The following GUCY2C variants were observed in gnomAD, a reference collection of about 807,000 sequenced individuals.
GUCY2C encodes the protein guanylyl cyclase C.
GUCY2C carries 118 observed loss-of-function variants against 131.1 expected under a neutral mutation model. That is an observed-to-expected ratio of 0.90 (90% CI 0.78 to 1.05). GUCY2C has a LOEUF of 1.05. GUCY2C is among the 50% of genes least tolerant of loss of function. The probability of loss-of-function intolerance (pLI) is 0.00; values close to 1 mark genes in which losing one functional copy is unlikely to be tolerated. For synonymous variants in GUCY2C, 452 were observed against 457.8 expected, an observed-to-expected ratio of 0.99 and a Z score of 0.16; for missense variants, 1,161 against 1,304.4, an observed-to-expected ratio of 0.89 and a Z score of 1.69.
rs769253224 is a variant in GUCY2C at position 14,660,990 on chromosome 12, A to T, written c.1355T>A (p.Leu452Gln). The stretch of plus-strand genomic sequence containing the variant: ...ATAGAGGCGGCTGTACCTGAGCATC[A>T]GGAGAGCGACGAGCAGGAGCAGCAC... ...AVVLLLLVAL[L>Q]MLRKYRKDYE... Residue 452 changes from leucine to glutamine, a missense_variant, in exon 11 of 27, where the codon CTG (leucine) becomes CAG (glutamine). By Grantham distance (113) the Leu-to-Gln change is moderately radical. Coordinates refer to ENST00000261170, the MANE Select transcript of GUCY2C (RefSeq NM_004963.4). 1 of 1,609,674 alleles carries T rather than the reference A, an allele frequency of 6.2e-7. No individual in the cohort carries two copies. The highest frequency in any genetic ancestry group is 1.1e-5 in the South Asian group (1 of 90,990).
At chr12:14,668,050 C>T (rs1948019847) in intron 10 of GUCY2C, among the ~76,000 whole-genome samples, 1 of 128,006 alleles carries the variant, frequency 7.8e-6, no homozygotes. Context: ...GTCATCCAGG[C>T]TGGAGTGCAG....
intron 17 of GUCY2C, among the ~76,000 whole-genome samples, chr12:14,641,699 G>T (rs934688715): frequency 1.3e-5 from 2 of 152,160 alleles, no homozygotes; most frequent in Non-Finnish European, 2.9e-5. Flanking sequence ...AGTACTTTGG[G>T]AGGCCAAGGC....
chr12:14,663,487 T>G (rs934415693), intron 10 of GUCY2C, among the ~76,000 whole-genome samples: 1 of 152,214 alleles, frequency 6.6e-6, no homozygotes, highest in Non-Finnish European at 1.5e-5. Flanking sequence ...TTCATCACGT[T>G]GGCCAGGCTG....
At chr12:14,681,547 T>C in intron 4 of GUCY2C, 70 bp from the exon 5 acceptor site, 1 of 1,297,328 alleles carries the variant, frequency 7.7e-7, no homozygotes. Flanking sequence ...TCACTTCTTA[T>C]TTGCAGATCT....
intron 4 of GUCY2C, among the ~76,000 whole-genome samples, chr12:14,682,014 C>G (rs1948356797): frequency 6.6e-6 from 1 of 152,076 alleles, no homozygotes; most frequent in South Asian, 2.1e-4. Context: ...GACGTGCATC[C>G]CTGGTGGTAT....
At chr12:14,676,692 T>C (rs1401842419) in intron 7 of GUCY2C, among the ~76,000 whole-genome samples, 162 bp downstream of exon 7, 1 of 152,202 alleles carries the variant, frequency 6.6e-6, no homozygotes, top group African/African-American at 2.4e-5. Context: ...CAAAATGCTG[T>C]ACATGTAGTT....
chr12:14,614,979 A>C, intron 25 of GUCY2C, 36 bp from the exon 26 acceptor site: 1 of 1,175,138 alleles, frequency 8.5e-7, no homozygotes, highest in South Asian at 1.4e-5. Context: ...CACGGAGTCC[A>C]AGGAGTCAGT....
At position 14,621,349 on chromosome 12, in the gene GUCY2C, T is replaced by G; in HGVS notation, c.2602-133A>C. 5.4e-6 allele frequency: 4 copies of G among 740,728 alleles called. 1 individual carries two copies. In the South Asian group the frequency reaches 7.2e-5, roughly 13 times the overall value. 45.9% of individuals were successfully genotyped at this position (740,728 alleles called of 1,614,324 possible). ...TATGAGCATAGCCCTTTACACTTTTTCTGGGGCCAGTTGGATCAGTTCTAT... is the reference window on the plus strand; with the variant it reads ...TATGAGCATAGCCCTTTACACTTTTGCTGGGGCCAGTTGGATCAGTTCTAT... On this transcript the variant is annotated intron_variant, in intron 22 of 26. Coordinates refer to ENST00000261170, the MANE Select transcript of GUCY2C (RefSeq NM_004963.4).
intron 10 of GUCY2C, among the ~76,000 whole-genome samples, chr12:14,666,709 T>G (rs1216564066): frequency 7.0e-6 from 1 of 143,586 alleles, no homozygotes; most frequent in Non-Finnish European, 1.5e-5. Context: ...TACTCCAGCC[T>G]GGGTGATACA....
Position 14,668,002 on chromosome 12 carries a change from T to A in GUCY2C, c.1282+1720A>T, listed in dbSNP as rs1412518933. 6.5e-5 allele frequency among the ~76,000 whole-genome samples: 7 copies of A among 107,068 alleles called. No individual in the cohort carries two copies. The East Asian group carries it at 1.8e-3, about 27-fold the overall frequency. The allele number at this position is 107,068 out of a possible 152,430, so 70.2% of individuals were successfully genotyped here. A position where few individuals can be genotyped will look rare whatever the true frequency, so the allele number is the denominator to read the frequency against. On this transcript the variant is annotated intron_variant, in intron 10 of 26. Transcript: ENST00000261170. ...TTTGTGAATATATAATAATTTTCTTTTTTTTTTTTTTTTTTTTTTGAGGCA... is the reference window on the plus strand; with the variant it reads ...TTTGTGAATATATAATAATTTTCTTATTTTTTTTTTTTTTTTTTTGAGGCA...
Position 14,616,607 on chromosome 12 carries a change from A to G in GUCY2C, c.2970+26T>C, listed in dbSNP as rs750412523. 4.7e-6 allele frequency: 6 copies of G among 1,266,494 alleles called. No individual in the cohort carries two copies. In the Middle Eastern group the frequency reaches 9.3e-4, roughly 196 times the overall value. The allele number at this position is 1,266,494 out of a possible 1,614,324, so 78.5% of individuals were successfully genotyped here. A position where few individuals can be genotyped will look rare whatever the true frequency, so the allele number is the denominator to read the frequency against. The stretch of plus-strand genomic sequence containing the variant: ...CCAAGCGTGTCTGAGAGCTTTTCCT[A>G]TGCATTGTCTCTGTGGACTCCTTAC... On this transcript the variant is annotated intron_variant, in intron 25 of 26. Transcript: ENST00000261170.
chr12:14,680,062 G>A (rs1200063704), intron 5 of GUCY2C, among the ~76,000 whole-genome samples: 2 of 152,140 alleles, frequency 1.3e-5, no homozygotes, highest in African/African-American at 4.8e-5. Context: ...AGCTCTGACA[G>A]TCAAGTTCAG....
chr12:14,691,846 T>A (rs1268725310), intron 1 of GUCY2C, among the ~76,000 whole-genome samples: 2 of 152,206 alleles, frequency 1.3e-5, no homozygotes, highest in African/African-American at 4.8e-5. Flanking sequence ...ATAGAGCCAG[T>A]TGATCTCTTT....
chr12:14,685,414 A>T (rs1392548250), intron 3 of GUCY2C, among the ~76,000 whole-genome samples: 1 of 152,174 alleles, frequency 6.6e-6, no homozygotes, highest in South Asian at 2.1e-4. Flanking sequence ...TCCAAAATCC[A>T]TTGCAAGTGA....
chr12:14,626,996 G>A (rs1054569941), intron 20 of GUCY2C, among the ~76,000 whole-genome samples: 6 of 152,166 alleles, frequency 3.9e-5, no homozygotes, highest in Admixed American at 1.3e-4. Flanking sequence ...TCATTACAGA[G>A]AGCCAGGGTC....
chr12:14,623,588 C>G (rs1946940534), intron 21 of GUCY2C, among the ~76,000 whole-genome samples: 1 of 152,306 alleles, frequency 6.6e-6, no homozygotes, highest in East Asian at 1.9e-4. Context: ...CTGCTTATAT[C>G]TGAAAAGTCA....
chr12:14,625,780 T>G lies in GUCY2C; in HGVS notation c.2385A>C (p.Arg795Ser). The G allele has an allele frequency of 6.2e-7, 1 of 1,613,996 alleles. No homozygotes were observed. The highest frequency in any genetic ancestry group is 8.5e-7 in the Non-Finnish European group (1 of 1,179,926). ...LYKAERDRADRLNFMLLPRLV... is the reference protein window; with the variant it reads ...LYKAERDRADSLNFMLLPRLV... ...ACCTTGGAAGCAACATAAAGTTAAG[T>G]CTGTCAGCCCTGTCCCTCTCTGCCT... Residue 795 changes from arginine to serine, a missense_variant, in exon 21 of 27, where the codon AGA (arginine) becomes AGC (serine). Arg to Ser is a moderately radical substitution (Grantham distance 110). Transcript: ENST00000261170.
At position 14,641,155 on chromosome 12, in the gene GUCY2C, G is replaced by A; in HGVS notation, c.1995C>T (p.Ser665=). 6.2e-7 allele frequency: 1 copy of A among 1,613,484 alleles called. No homozygotes were observed. The highest frequency in any genetic ancestry group is 8.5e-7 in the Non-Finnish European group (1 of 1,179,588). ...ANISQKGDVY[S]YGIIAQEIIL... ...TGATCTCCTGTGCGATGATCCCATA[G>A]CTGTACACATCTCCTTTCTGAGAGA... The change falls in exon 18 of 27, where the codon AGC becomes AGT. Residue 665 remains serine (S), a synonymous_variant. Coordinates refer to ENST00000261170, the MANE Select transcript of GUCY2C (RefSeq NM_004963.4).
At chr12:14,615,632 G>GATAT (rs145901435) in intron 25 of GUCY2C, among the ~76,000 whole-genome samples, 3,022 of 145,794 alleles carry the variant, frequency 0.021, 94 homozygotes, top group African/African-American at 0.072. Context: ...ATGAGTGATT[G>GATAT]ATATATATAT....
Sources: gnomAD v4.1 joint callset for allele counts (sites outside exome capture counted in the v4.1 genomes callset) on GRCh38, gnomAD v4.1.1 for gene constraint, MANE v1.5 for transcripts, NCBI Gene and HGNC (gene_info 2026-07-23, HGNC 2026-07-21) for gene names.